Variants in PRDM5 observed in about 807,000 individuals in gnomAD.
PRDM5 encodes the protein PR domain zinc finger protein 5.
In PRDM5, 56 loss-of-function variants were observed where a neutral mutation model predicts 81.2. The ratio of observed to expected loss-of-function variants is 0.69; its 90% CI spans 0.56 to 0.86. The LOEUF (loss-of-function observed/expected upper bound fraction) is 0.86, where lower values mean the gene tolerates loss of function less well. Among genes scored for constraint, PRDM5 ranks in the 40% least tolerant of loss-of-function variants. The pLI, the probability that PRDM5 is intolerant of heterozygous loss-of-function variation, is 0.00. For synonymous variants in PRDM5, 267 were observed against 256.4 expected (o/e 1.04, Z -0.39); for missense variants, 697 against 770.1 (o/e 0.91, Z 1.12).
intron 11 of PRDM5, among the ~76,000 whole-genome samples, chr4:120,783,175 G>A (rs766355901): frequency 3.3e-5 from 5 of 151,978 alleles, no homozygotes; most frequent in Non-Finnish European, 4.4e-5. Context: ...TTTTCATATT[G>A]CATAAGACGT....
At chr4:120,753,426 G>A (rs1203394596) in intron 14 of PRDM5, among the ~76,000 whole-genome samples, 1 of 152,052 alleles carries the variant, frequency 6.6e-6, no homozygotes, top group Non-Finnish European at 1.5e-5. Context: ...CTACAAACTA[G>A]AGTGAGAAAC....
intron 2 of PRDM5, among the ~76,000 whole-genome samples, chr4:120,877,508 T>C (rs1346693375): frequency 6.6e-6 from 1 of 152,172 alleles, no homozygotes; most frequent in Non-Finnish European, 1.5e-5. Context: ...GAATAATTTA[T>C]ATTAAAATAA....
At chr4:120,733,999 C>G (rs1250226675) in intron 14 of PRDM5, among the ~76,000 whole-genome samples, 1 of 151,778 alleles carries the variant, frequency 6.6e-6, no homozygotes, top group Non-Finnish European at 1.5e-5. Flanking sequence ...GAGACCTGAC[C>G]AGGAGAGGGA....
At chr4:120,881,707 G>A (rs572292583) in intron 2 of PRDM5, among the ~76,000 whole-genome samples, 1 of 152,222 alleles carries the variant, frequency 6.6e-6, no homozygotes, top group Non-Finnish European at 1.5e-5. Context: ...TAACTGTATG[G>A]AAAGTATTAA....
intron 1 of PRDM5, among the ~76,000 whole-genome samples, chr4:120,685,517 T>C (rs1032930986): frequency 6.6e-6 from 1 of 152,118 alleles, no homozygotes; most frequent in Admixed American, 6.6e-5. Context: ...ATGTTATCAA[T>C]TTGGCTCATG....
chr4:120,744,386 C>A (rs550542418), intron 14 of PRDM5, among the ~76,000 whole-genome samples: 1 of 152,154 alleles, frequency 6.6e-6, no homozygotes, highest in Middle Eastern at 3.4e-3. Context: ...AAAGCAAGAG[C>A]AAACACACTC....
At chr4:120,796,520 T>C (rs77642576) in intron 10 of PRDM5, among the ~76,000 whole-genome samples, 1 of 152,186 alleles carries the variant, frequency 6.6e-6, no homozygotes, top group Non-Finnish European at 1.5e-5. Flanking sequence ...ATCAGTTTCA[T>C]CAGAGAAAGG....
intron 2 of PRDM5, among the ~76,000 whole-genome samples, chr4:120,884,154 T>C (rs1167772517): frequency 1.3e-5 from 2 of 152,160 alleles, no homozygotes; most frequent in Non-Finnish European, 2.9e-5. Flanking sequence ...AAGATTTATA[T>C]AGGGATCCCA....
chr4:120,899,616 C>T (rs1350372002), intron 2 of PRDM5, among the ~76,000 whole-genome samples: 1 of 152,214 alleles, frequency 6.6e-6, no homozygotes, highest in Non-Finnish European at 1.5e-5. Flanking sequence ...TCTACTACCA[C>T]ATGTGGTAGG....
chr4:120,887,889 T>A (rs1286651063), intron 2 of PRDM5, among the ~76,000 whole-genome samples: 2 of 62,582 alleles, frequency 3.2e-5, no homozygotes, highest in Non-Finnish European at 5.6e-5. Context: ...GCCTCCCGGG[T>A]TCACGCCATT....
chr4:120,901,333 C>G (rs963345156), intron 2 of PRDM5, among the ~76,000 whole-genome samples: 1 of 152,228 alleles, frequency 6.6e-6, no homozygotes, highest in Middle Eastern at 3.4e-3. Context: ...TAATTTGATC[C>G]TCTGGATTTT....
chr4:120,794,136 G>A (rs1750999741), intron 10 of PRDM5, among the ~76,000 whole-genome samples: 1 of 152,048 alleles, frequency 6.6e-6, no homozygotes, highest in African/African-American at 2.4e-5. Context: ...CATTGTGAAC[G>A]TGCTTCTAGC....
intron 3 of PRDM5, among the ~76,000 whole-genome samples, chr4:120,852,941 A>AGACGTGAGCCACTGCACCTGTTTCG (rs1425049212): frequency 4.0e-5 from 6 of 151,860 alleles, no homozygotes; most frequent in Admixed American, 3.9e-4. Flanking sequence ...CTGAGATCAC[A>AGACGTGAGCCACTGCACCTGTTTCG]GACGTGAGCC....
intron 10 of PRDM5, among the ~76,000 whole-genome samples, chr4:120,795,275 T>A (rs920754439): frequency 1.3e-5 from 2 of 152,132 alleles, no homozygotes; most frequent in African/African-American, 4.8e-5. Flanking sequence ...TAAACATGTA[T>A]CCTACAGCAG....
intron 14 of PRDM5, chr4:120,731,512 A>G (rs1740260189): frequency 6.6e-6 from 1 of 152,116 alleles, no homozygotes; most frequent in African/African-American, 2.4e-5. Flanking sequence ...ATGAGACTGG[A>G]GAAAAATCTG....
At position 120,685,833 on chromosome 4, in the gene PRDM5, C is replaced by T. The variant is rs370885348; in HGVS notation, n.104-808G>A. Among the ~76,000 whole-genome samples the T allele has an allele frequency of 2.0e-4, 31 of 151,808 alleles. No individual in the cohort carries two copies. In the South Asian group the frequency reaches 6.5e-3, roughly 32 times the overall value. ...TTTCTTCCCTCCTTTTCTTTTTGTCCTTTATTCCTTTTCATATAGTTTGGA... is the reference window on the plus strand; with the variant it reads ...TTTCTTCCCTCCTTTTCTTTTTGTCTTTTATTCCTTTTCATATAGTTTGGA... On this transcript the variant is annotated intron_variant and non_coding_transcript_variant, in intron 1 of 1. Coordinates refer to the PRDM5 transcript ENST00000513741.
At chr4:120,852,600 T>C (rs372512277) in intron 3 of PRDM5, among the ~76,000 whole-genome samples, 11 of 152,086 alleles carry the variant, frequency 7.2e-5, no homozygotes, top group African/African-American at 2.2e-4. Flanking sequence ...ATCAGCAATG[T>C]AGATTTTAAA....
At chr4:120,895,777 A>C (rs1190857138) in intron 2 of PRDM5, 2 of 152,186 alleles carry the variant, frequency 1.3e-5, no homozygotes, top group African/African-American at 4.8e-5. Context: ...CCTTGACTCA[A>C]ACAATCCTCT....
At chr4:120,875,937 GT>G (rs1274519857) in intron 2 of PRDM5, among the ~76,000 whole-genome samples, 1 of 152,148 alleles carries the variant, frequency 6.6e-6, no homozygotes, top group East Asian at 1.9e-4. Flanking sequence ...AGTGTATAGA[GT>G]TTGTTCTGCT....
Sources: gnomAD v4.1 joint callset for allele counts (sites outside exome capture counted in the v4.1 genomes callset) on GRCh38, gnomAD v4.1.1 for gene constraint, MANE v1.5 for transcripts, NCBI Gene and HGNC (gene_info 2026-07-23, HGNC 2026-07-21) for gene names.